Variants in SLC35D1 observed in about 807,000 individuals in gnomAD.
SLC35D1 encodes solute carrier family 35 member D1, also known as nucleotide sugar transporter SLC35D1.
Under a neutral mutation model 46.7 loss-of-function variants are expected in SLC35D1, and 31 were observed. The ratio of observed to expected loss-of-function variants is 0.66; its 90% CI spans 0.50 to 0.90. The LOEUF (loss-of-function observed/expected upper bound fraction) is 0.90, where lower values mean the gene tolerates loss of function less well. Among genes scored for constraint, SLC35D1 ranks in the 40% least tolerant of loss-of-function variants. The probability of loss-of-function intolerance (pLI) is 0.00; values close to 1 mark genes in which losing one functional copy is unlikely to be tolerated. For missense variants in SLC35D1, 397 were observed against 426.2 expected (o/e 0.93, Z 0.60); for synonymous variants, 195 against 164.6 (o/e 1.18, Z -1.41).
At chr1:67,021,724 G>GACACACACACACACACACACAC (rs35069681) in intron 8 of SLC35D1, 122 bp from the exon 9 acceptor site, 29 of 422,694 alleles carry the variant, frequency 6.9e-5, no homozygotes, top group East Asian at 1.1e-4. Context: ...CACAGACACA[G>GACACACACACACACACACACAC]ACACACACAC....
the SLC35D1 span, among the ~76,000 whole-genome samples, chr1:66,979,277 T>C: frequency 6.6e-6 from 1 of 152,242 alleles, no homozygotes; most frequent in Non-Finnish European, 1.5e-5. Context: ...AGCTGCACTT[T>C]AAGTGACTTC....
chr1:66,976,791 T>G, the SLC35D1 span: 12 of 1,291,374 alleles, frequency 9.3e-6, no homozygotes, highest in Non-Finnish European at 1.2e-5. Flanking sequence ...TTTCTTGAGT[T>G]AATTATTATT....
the SLC35D1 span, among the ~76,000 whole-genome samples, chr1:66,979,151 C>T: frequency 2.6e-5 from 4 of 151,830 alleles, no homozygotes; most frequent in Non-Finnish European, 5.9e-5. Flanking sequence ...TTTACTGAGA[C>T]TCTTCCCTTT....
chr1:66,988,827 C>G, the SLC35D1 span, among the ~76,000 whole-genome samples: 1 of 152,126 alleles, frequency 6.6e-6, no homozygotes, highest in Non-Finnish European at 1.5e-5. Context: ...TATACTTGTA[C>G]CAGGTACTAT....
intron 7 of SLC35D1, among the ~76,000 whole-genome samples, chr1:67,047,049 C>T (rs1187118613): frequency 2.6e-5 from 4 of 152,256 alleles, no homozygotes; most frequent in Non-Finnish European, 2.9e-5. Context: ...TCAAAATTCA[C>T]GCAATCCCAG....
At chr1:67,023,383 C>T (rs1263769587) in intron 8 of SLC35D1, among the ~76,000 whole-genome samples, 1 of 152,100 alleles carries the variant, frequency 6.6e-6, no homozygotes, top group Non-Finnish European at 1.5e-5. Context: ...GATATTTTCT[C>T]ATTTTAATTT....
the SLC35D1 span, among the ~76,000 whole-genome samples, chr1:66,982,707 A>G: frequency 6.6e-6 from 1 of 152,248 alleles, no homozygotes; most frequent in South Asian, 2.1e-4. Context: ...AAACACTGTG[A>G]AAGCCTTGAT....
In SLC35D1 at chr1:67,011,615, T is replaced by C. The variant is rs1667567177; in HGVS notation, c.877-2448A>G. On this transcript the variant is annotated intron_variant, in intron 10 of 11. Transcript: ENST00000235345. The stretch of plus-strand genomic sequence containing the variant: ...CTCCCACCTCAGCCTCCCAAGCAGC[T>C]GGGACCACAGGTGTGTGCCACCATG... Among the ~76,000 whole-genome samples the C allele has an allele frequency of 2.0e-5, 3 of 152,166 alleles. No homozygotes were observed. In the South Asian group the frequency reaches 6.2e-4, roughly 31 times the overall value.
chr1:67,013,430 CTG>C (rs1415494856), intron 10 of SLC35D1, among the ~76,000 whole-genome samples: 2 of 151,724 alleles, frequency 1.3e-5, no homozygotes, highest in Non-Finnish European at 2.9e-5. Flanking sequence ...TCACAAGTGT[CTG>C]TAGTCCCAGT....
At chr1:67,051,120 A>G (rs1330161201) in intron 4 of SLC35D1, among the ~76,000 whole-genome samples, 3 of 152,232 alleles carry the variant, frequency 2.0e-5, no homozygotes, top group Non-Finnish European at 4.4e-5. Context: ...GAAGGCCTGC[A>G]TTTCTTTCCT....
Position 67,047,387 on chromosome 1 carries a change from C to A in SLC35D1, c.534-20G>T. The stretch of plus-strand genomic sequence containing the variant: ...TCAGAGCTGCAAAACATAAGCAACA[C>A]TTTAAGAACAACTTAAAGAACATGC... On this transcript the variant is annotated intron_variant, in intron 6 of 11. Transcript: ENST00000235345. 1 of 1,584,346 alleles carries A rather than the reference C, an allele frequency of 6.3e-7. No individual in the cohort carries two copies. Among genetic ancestry groups the A allele is most frequent in the Non-Finnish European group, 8.7e-7 (1 of 1,155,120 alleles).
At chr1:66,990,939 C>A in the SLC35D1 span, among the ~76,000 whole-genome samples, 1 of 152,164 alleles carries the variant, frequency 6.6e-6, no homozygotes, top group Non-Finnish European at 1.5e-5. Context: ...TCTTCCCTTA[C>A]TCACTGAACA....
chr1:67,038,113 T>TG (rs1233400241), intron 8 of SLC35D1, among the ~76,000 whole-genome samples: 1 of 152,194 alleles, frequency 6.6e-6, no homozygotes, highest in Non-Finnish European at 1.5e-5. Flanking sequence ...AACTAAAGAA[T>TG]AATTGATCCA....
chr1:66,978,778 G>C, the SLC35D1 span, among the ~76,000 whole-genome samples: 2 of 152,170 alleles, frequency 1.3e-5, no homozygotes, highest in Non-Finnish European at 2.9e-5. Flanking sequence ...CTTTCAGAAA[G>C]CATCACCAAA....
At chr1:66,991,523 T>G in the SLC35D1 span, among the ~76,000 whole-genome samples, 1 of 152,222 alleles carries the variant, frequency 6.6e-6, no homozygotes, top group Non-Finnish European at 1.5e-5. Context: ...TAGGAAGTGT[T>G]TCTGAACCAC....
chr1:67,049,630 C>T (rs1246654963), intron 6 of SLC35D1, 152 bp downstream of exon 6: 1 of 711,868 alleles, frequency 1.4e-6, no homozygotes, highest in Non-Finnish European at 2.4e-6. Flanking sequence ...TTAATACAGC[C>T]AAAAAGATTT....
At chr1:66,997,517 A>ATATAT (rs1319900394), downstream of SLC35D1, among the ~76,000 whole-genome samples, 211 of 24,128 alleles carry the variant, frequency 8.7e-3, 1 homozygote, top group African/African-American at 0.02. Context: ...AAAAAAAAAA[A>ATATAT]AAATATATAT....
Position 67,004,068 on chromosome 1 carries a change from C to T in SLC35D1, c.*272G>A, listed in dbSNP as rs1667395887. On this transcript the variant is annotated 3_prime_UTR_variant, in exon 12 of 12. Transcript: ENST00000235345. The stretch of plus-strand genomic sequence containing the variant: ...ATACTTTCAAAACACTGATGTTTCA[C>T]TGTCGGCATATAAGAAAAATAAATT... 2.7e-6 allele frequency: 1 copy of T among 376,052 alleles called. No homozygotes were observed. The highest frequency in any genetic ancestry group is 5.0e-6 in the Non-Finnish European group (1 of 199,140). 23.3% of individuals were successfully genotyped at this position (376,052 alleles called of 1,614,324 possible). A position where few individuals can be genotyped will look rare whatever the true frequency, so the allele number is the denominator to read the frequency against.
intron 8 of SLC35D1, among the ~76,000 whole-genome samples, chr1:67,040,886 T>C (rs1256652863): frequency 6.6e-6 from 1 of 152,204 alleles, no homozygotes; most frequent in Non-Finnish European, 1.5e-5. Context: ...TATCACACCA[T>C]ATTCTTGTCC....
Sources: gnomAD v4.1 joint callset for allele counts (sites outside exome capture counted in the v4.1 genomes callset) on GRCh38, gnomAD v4.1.1 for gene constraint, MANE v1.5 for transcripts, NCBI Gene and HGNC (gene_info 2026-07-23, HGNC 2026-07-21) for gene names.